The following PHYHIPL variants were observed in gnomAD, a reference collection of about 807,000 sequenced individuals.
PHYHIPL encodes phytanoyl-CoA 2-hydroxylase interacting protein like.
Under a neutral mutation model 33.4 loss-of-function variants are expected in PHYHIPL, and 9 were observed. That is an observed-to-expected ratio of 0.27 (90% confidence interval 0.16 to 0.47). The LOEUF (loss-of-function observed/expected upper bound fraction) is 0.47. Ranked by LOEUF, PHYHIPL falls within the 20% of genes least tolerant of loss-of-function variation. PHYHIPL has a pLI of 0.99. For synonymous variants in PHYHIPL, 153 were observed against 154.1 expected (o/e 0.99, Z 0.05); for missense variants, 365 against 460.7 (o/e 0.79, Z 1.90).
At chr10:59,227,299 G>T (rs761824745) in intron 1 of PHYHIPL, among the ~76,000 whole-genome samples, 6 of 152,128 alleles carry the variant, frequency 3.9e-5, no homozygotes, top group Non-Finnish European at 8.8e-5. Context: ...AGAGAAGCAA[G>T]GCAAGCAAAC....
chr10:59,179,122 A>G (rs1482925775), intron 1 of PHYHIPL, among the ~76,000 whole-genome samples: 2 of 152,170 alleles, frequency 1.3e-5, no homozygotes, highest in Non-Finnish European at 2.9e-5. Context: ...AAAAATATTA[A>G]CTTGGTTGGC....
chr10:59,224,495 CAAAAA>C (rs1337406522), intron 1 of PHYHIPL, among the ~76,000 whole-genome samples: 9 of 53,574 alleles, frequency 1.7e-4, no homozygotes, highest in African/African-American at 3.9e-4. Context: ...CAAAACAAAA[CAAAAA>C]ACAAAACAAA....
At chr10:59,187,112 G>A (rs1838629968) in intron 1 of PHYHIPL, among the ~76,000 whole-genome samples, 1 of 152,146 alleles carries the variant, frequency 6.6e-6, no homozygotes, top group Non-Finnish European at 1.5e-5. Flanking sequence ...GTCATAGATA[G>A]CTCTTATTAT....
intron 1 of PHYHIPL, among the ~76,000 whole-genome samples, chr10:59,212,753 A>G (rs1218908624): frequency 6.6e-6 from 1 of 152,142 alleles, no homozygotes; most frequent in Non-Finnish European, 1.5e-5. Flanking sequence ...TAATTTGTCT[A>G]AAGTTTTTCA....
intron 1 of PHYHIPL, among the ~76,000 whole-genome samples, chr10:59,183,009 C>G (rs931409720): frequency 6.6e-6 from 1 of 152,116 alleles, no homozygotes; most frequent in Non-Finnish European, 1.5e-5. Context: ...CAAATATGTC[C>G]TAAGCACTTT....
Position 59,242,811 on chromosome 10 carries a change from G to GA in PHYHIPL, c.597-2239dup, listed in dbSNP as rs555394595. Among the ~76,000 whole-genome samples, 100 of 152,016 alleles carry GA rather than the reference G, an allele frequency of 6.6e-4. 1 individual carries two copies. The highest frequency in any genetic ancestry group is 2.2e-3 in the African/African-American group (93 of 41,486). The stretch of plus-strand genomic sequence containing the variant: ...CACAGCAGATTCAAGAGGACAAAGA[G>GA]AAAAAAATCAGTAAACTTGAAGATA... On this transcript the variant is annotated intron_variant, in intron 4 of 4. Transcript: ENST00000373880.
chr10:59,243,086 C>A (rs554153480), intron 4 of PHYHIPL, among the ~76,000 whole-genome samples: 23 of 151,638 alleles, frequency 1.5e-4, no homozygotes, highest in African/African-American at 5.1e-4. Context: ...CCAAAGAAAT[C>A]CATGCCAAGA....
intron 1 of PHYHIPL, among the ~76,000 whole-genome samples, chr10:59,179,877 ACACACACACT>A (rs1376422105): frequency 6.6e-6 from 1 of 150,850 alleles, no homozygotes; most frequent in African/African-American, 2.5e-5. Context: ...ACACACACAC[ACACACACACT>A]ACCTCATGGA....
intron 4 of PHYHIPL, among the ~76,000 whole-genome samples, chr10:59,244,578 A>AAAAAAAAAAAAAAAAAAAAC (rs1840572455): frequency 2.7e-5 from 4 of 149,304 alleles, no homozygotes; most frequent in Admixed American, 6.7e-5. Context: ...AAAAAAAAAA[A>AAAAAAAAAAAAAAAAAAAAC]AAAAAAAAGC....
rs1236515388 is a variant in PHYHIPL at position 59,247,311 on chromosome 10, T to C, written c.*1720T>C. 3.3e-6 allele frequency: 1 copy of C among 302,702 alleles called. No individual in the cohort carries two copies. The highest frequency in any genetic ancestry group is 2.3e-5 in the African/African-American group (1 of 44,308). 18.8% of individuals were successfully genotyped at this position (302,702 alleles called of 1,614,324 possible). A position where few individuals can be genotyped will look rare whatever the true frequency, so the allele number is the denominator to read the frequency against. The stretch of plus-strand genomic sequence containing the variant: ...TCCCTAACAAGTGTCCTAGCTATGT[T>C]ATTTAGATTTGATAAAATATTAGAC... On this transcript the variant is annotated 3_prime_UTR_variant, in exon 5 of 5. Transcript: ENST00000373880.
chr10:59,199,745 G>A (rs902678769), intron 1 of PHYHIPL, among the ~76,000 whole-genome samples: 2 of 152,136 alleles, frequency 1.3e-5, no homozygotes, highest in Non-Finnish European at 2.9e-5. Flanking sequence ...GCAGTGGTTT[G>A]TAGTTCTCCT....
intron 2 of PHYHIPL, 102 bp downstream of exon 2, chr10:59,234,602 T>C (rs1009417745): frequency 1.3e-6 from 1 of 741,954 alleles, no homozygotes. Context: ...GCTTATGTGA[T>C]GTATTTGACT....
rs949657302 is a variant in PHYHIPL at position 59,246,835 on chromosome 10, C to T, written c.*1244C>T. 3 of 384,436 alleles carry T rather than the reference C, an allele frequency of 7.8e-6. No individual in the cohort carries two copies. The highest frequency in any genetic ancestry group is 2.1e-5 in the African/African-American group (1 of 48,300). The allele number at this position is 384,436 out of a possible 1,614,324, so 23.8% of individuals were successfully genotyped here. On this transcript the variant is annotated 3_prime_UTR_variant, in exon 5 of 5. Coordinates refer to ENST00000373880, the MANE Select transcript of PHYHIPL (RefSeq NM_032439.4). ...AAAAGATTAGCAATAATACTATGGACACATTAGATTATATACTACAGACAC... is the reference window on the plus strand; with the variant it reads ...AAAAGATTAGCAATAATACTATGGATACATTAGATTATATACTACAGACAC...
At chr10:59,186,482 G>GT (rs576891183) in intron 1 of PHYHIPL, among the ~76,000 whole-genome samples, 180 of 152,220 alleles carry the variant, frequency 1.2e-3, no homozygotes, top group African/African-American at 4.1e-3. Context: ...CTTTAAAGTA[G>GT]TTTTTTCCAA....
chr10:59,222,724 G>A (rs561557683), intron 1 of PHYHIPL, among the ~76,000 whole-genome samples: 2 of 15,024 alleles, frequency 1.3e-4, no homozygotes, highest in Admixed American at 1.7e-3. Context: ...AGTGGGGGGG[G>A]TTTCAAAAGA....
At chr10:59,239,700 T>C (rs1479711112) in intron 4 of PHYHIPL, among the ~76,000 whole-genome samples, 2 of 152,070 alleles carry the variant, frequency 1.3e-5, no homozygotes, top group African/African-American at 4.8e-5. Flanking sequence ...AGCACTTTCA[T>C]ATTTGTAGAA....
At chr10:59,197,777 C>A (rs1838960127) in intron 1 of PHYHIPL, among the ~76,000 whole-genome samples, 5 of 152,128 alleles carry the variant, frequency 3.3e-5, no homozygotes, top group Admixed American at 3.3e-4. Context: ...TACATTTGGT[C>A]TTAAAATGTT....
At chr10:59,243,973 T>C (rs948150910) in intron 4 of PHYHIPL, among the ~76,000 whole-genome samples, 2 of 152,114 alleles carry the variant, frequency 1.3e-5, no homozygotes, top group Non-Finnish European at 2.9e-5. Flanking sequence ...TAGTCAGAGA[T>C]ACATAGTTAT....
chr10:59,177,421 ATCC>A (rs1838284188), intron 1 of PHYHIPL: 4 of 1,464,216 alleles, frequency 2.7e-6, no homozygotes, highest in Non-Finnish European at 3.6e-6. Flanking sequence ...TAAACCTCCC[ATCC>A]TCAGACTCCC....
Sources: gnomAD v4.1 joint callset for allele counts (sites outside exome capture counted in the v4.1 genomes callset) on GRCh38, gnomAD v4.1.1 for gene constraint, MANE v1.5 for transcripts, NCBI Gene and HGNC (gene_info 2026-07-23, HGNC 2026-07-21) for gene names.